The following LRRTM4 variants were observed in gnomAD, a reference collection of about 807,000 sequenced individuals.
The protein encoded by LRRTM4 is leucine rich repeat transmembrane neuronal 4.
In LRRTM4, 25 loss-of-function variants were observed where a neutral mutation model predicts 47.6. The observed-to-expected ratio is 0.53, with a 90% confidence interval of 0.38 to 0.73. The LOEUF is 0.73. Among genes scored for constraint, LRRTM4 ranks in the 30% least tolerant of loss-of-function variants. The pLI, the probability that LRRTM4 is intolerant of heterozygous loss-of-function variation, is 0.00. For missense variants in LRRTM4, 638 were observed against 713.4 expected (o/e 0.89, Z 1.20); for synonymous variants, 311 against 269.5 (o/e 1.15, Z -1.51).
intron 3 of LRRTM4, among the ~76,000 whole-genome samples, chr2:77,199,250 A>G (rs1389642234): frequency 6.6e-6 from 1 of 152,182 alleles, no homozygotes; most frequent in Non-Finnish European, 1.5e-5. Flanking sequence ...GCACCAGGTA[A>G]TCAAGTTTTA....
chr2:77,039,514 CAGTA>C (rs1678954574), intron 3 of LRRTM4, among the ~76,000 whole-genome samples: 1 of 151,088 alleles, frequency 6.6e-6, no homozygotes, highest in South Asian at 2.1e-4. Flanking sequence ...TTAGGACTAG[CAGTA>C]AGAAGCAATT....
At chr2:77,262,053 G>A (rs1388917546) in intron 3 of LRRTM4, among the ~76,000 whole-genome samples, 1 of 152,014 alleles carries the variant, frequency 6.6e-6, no homozygotes, top group African/African-American at 2.4e-5. Flanking sequence ...ACCCTATTGT[G>A]AACTGAGCAT....
chr2:77,255,070 G>T (rs975716044), intron 3 of LRRTM4, among the ~76,000 whole-genome samples: 6 of 151,844 alleles, frequency 4.0e-5, no homozygotes, highest in African/African-American at 1.4e-4. Context: ...GATATATGTG[G>T]TTTAAAAGTA....
intron 3 of LRRTM4, among the ~76,000 whole-genome samples, chr2:77,426,645 C>T (rs1457445493): frequency 6.6e-6 from 1 of 152,118 alleles, no homozygotes; most frequent in African/African-American, 2.4e-5. Context: ...CTCACAATAT[C>T]TGATGGTTTT....
intron 3 of LRRTM4, among the ~76,000 whole-genome samples, chr2:76,889,185 T>C (rs1165804901): frequency 6.6e-6 from 1 of 151,976 alleles, no homozygotes; most frequent in Non-Finnish European, 1.5e-5. Context: ...CTGTAATTAA[T>C]GTAAGGTTAA....
rs577096009 is a variant in LRRTM4 at position 77,004,693 on chromosome 2, T to C, written c.1552-255777A>G. On this transcript the variant is annotated intron_variant, in intron 3 of 3. Transcript: ENST00000409884. ...CCAGACCCTAGAATGGTAGATCCAC[T>C]GACAACTTTTGTCATGCACCTGGAA... is the stretch of plus-strand genomic sequence containing the variant. Among the ~76,000 whole-genome samples the C allele has an allele frequency of 1.2e-4, 18 of 152,188 alleles. No individual in the cohort carries two copies. In the South Asian group the frequency reaches 3.7e-3, roughly 32 times the overall value.
intron 3 of LRRTM4, among the ~76,000 whole-genome samples, chr2:77,095,508 C>CTTTTTTTTTTTTTTTTTTTTTT (rs373406392): frequency 6.9e-6 from 1 of 144,010 alleles, no homozygotes; most frequent in East Asian, 2.0e-4. Context: ...CATATGCAAA[C>CTTTTTTTTTTTTTTTTTTTTTT]TTTTTTTTTT....
At position 77,517,487 on chromosome 2, in the gene LRRTM4, A is replaced by T. The variant is rs1301801983; in HGVS notation, c.1551+831T>A. On this transcript the variant is annotated intron_variant, in intron 3 of 3. Transcript: ENST00000409884. ...CCATTTTATTATTGCTAAATCATCC[A>T]CAAAATTGTGACCTGATTTTAGTTA... 1.2e-5 allele frequency: 12 copies of T among 985,108 alleles called. No homozygotes were observed. The Admixed American group carries it at 7.4e-4, about 61-fold the overall frequency. The allele number at this position is 985,108 out of a possible 1,614,324, so 61.0% of individuals were successfully genotyped here.
At chr2:77,259,721 T>C (rs1032886812) in intron 3 of LRRTM4, among the ~76,000 whole-genome samples, 2 of 151,904 alleles carry the variant, frequency 1.3e-5, no homozygotes, top group South Asian at 2.1e-4. Flanking sequence ...TATCCAGGAA[T>C]GGAGAAAAAT....
intron 3 of LRRTM4, among the ~76,000 whole-genome samples, chr2:76,765,360 T>C (rs1471920455): frequency 6.6e-6 from 1 of 152,164 alleles, no homozygotes; most frequent in African/African-American, 2.4e-5. Context: ...AAAGTTAATG[T>C]TTTGGGGGAT....
At chr2:77,081,247 AACACACAC>A (rs58897041) in intron 3 of LRRTM4, among the ~76,000 whole-genome samples, 13,753 of 139,958 alleles carry the variant, frequency 0.098, 1,605 homozygotes, top group African/African-American at 0.27. Context: ...ACCTGACAGC[AACACACAC>A]ACACACACAC....
intron 3 of LRRTM4, among the ~76,000 whole-genome samples, chr2:77,437,254 C>T (rs1189571843): frequency 3.3e-5 from 5 of 151,950 alleles, no homozygotes; most frequent in African/African-American, 7.2e-5. Flanking sequence ...AAATTTTGAG[C>T]TTATTAAACA....
intron 3 of LRRTM4, among the ~76,000 whole-genome samples, chr2:77,111,103 TTTTTGTTTTG>T (rs562783182): frequency 5.9e-5 from 9 of 151,832 alleles, no homozygotes; most frequent in Admixed American, 1.3e-4. Context: ...AATTCCCTGT[TTTTTGTTTTG>T]TTTTGTTTTG....
At chr2:77,346,450 G>T (rs1671565007) in intron 3 of LRRTM4, among the ~76,000 whole-genome samples, 1 of 152,046 alleles carries the variant, frequency 6.6e-6, no homozygotes, top group Admixed American at 6.6e-5. Context: ...ATGTATATGT[G>T]CAAGTACTTG....
intron 3 of LRRTM4, among the ~76,000 whole-genome samples, chr2:77,143,531 G>A (rs1672178989): frequency 6.6e-6 from 1 of 152,036 alleles, no homozygotes; most frequent in Non-Finnish European, 1.5e-5. Flanking sequence ...TGTGATCTGT[G>A]CTTATGCTAA....
At chr2:77,051,447 CT>C (rs1679428813) in intron 3 of LRRTM4, among the ~76,000 whole-genome samples, 2 of 152,090 alleles carry the variant, frequency 1.3e-5, no homozygotes, top group South Asian at 4.1e-4. Flanking sequence ...ATTAAGCGCT[CT>C]TCTCTGGTCC....
At position 76,886,360 on chromosome 2, in the gene LRRTM4, T is replaced by C. The variant is rs1028607669; in HGVS notation, c.1552-137444A>G. ...ACATGCAACATGTCTATGTGATATC[T>C]GATGGTGCATAAATTTTCTTAAATA... On this transcript the variant is annotated intron_variant, in intron 3 of 3. Transcript: ENST00000409884. 8.5e-5 allele frequency among the ~76,000 whole-genome samples: 13 copies of C among 152,284 alleles called. No individual in the cohort carries two copies. The South Asian group carries it at 2.7e-3, about 32-fold the overall frequency.
Position 77,014,856 on chromosome 2 carries a change from G to A in LRRTM4, c.1552-265940C>T, listed in dbSNP as rs189111914. On this transcript the variant is annotated intron_variant, in intron 3 of 3. Coordinates refer to ENST00000409884, the MANE Select transcript of LRRTM4 (RefSeq NM_001134745.3). ...TATTACTTTTAGTGACAAAACATAA[G>A]GATTATATAATATCTCATAATTGAC... is the stretch of plus-strand genomic sequence containing the variant. Among the ~76,000 whole-genome samples, 461 of 151,812 alleles carry A rather than the reference G, an allele frequency of 3.0e-3. 6 individuals are homozygous for A. The highest frequency in any genetic ancestry group is 9.7e-3 in the African/African-American group (400 of 41,424).
intron 3 of LRRTM4, among the ~76,000 whole-genome samples, chr2:77,072,571 G>T (rs771407731): frequency 6.6e-6 from 1 of 152,002 alleles, no homozygotes; most frequent in Non-Finnish European, 1.5e-5. Flanking sequence ...ACTGAGGAGG[G>T]CAGATCACCT....
Sources: allele counts gnomAD v4.1 joint callset (sites outside exome capture counted in the v4.1 genomes callset), GRCh38; gene constraint gnomAD v4.1.1; transcripts MANE v1.5; gene names NCBI Gene and HGNC (gene_info 2026-07-23, HGNC 2026-07-21).